The following ITGA9 variants were observed in gnomAD, a reference collection of about 807,000 sequenced individuals.
ITGA9 encodes the protein integrin alpha-9.
Under a neutral mutation model 127.8 loss-of-function variants are expected in ITGA9, and 56 were observed. The ratio of observed to expected loss-of-function variants is 0.44; its 90% CI spans 0.35 to 0.55. The LOEUF is 0.55. Ranked by LOEUF, ITGA9 falls within the 20% of genes least tolerant of loss-of-function variation. The pLI, the probability that ITGA9 is intolerant of heterozygous loss-of-function variation, is 0.00. For missense variants in ITGA9, 1,196 were observed against 1,347.1 expected, an observed-to-expected ratio of 0.89 and a Z score of 1.76; for synonymous variants, 508 against 514.5, an observed-to-expected ratio of 0.99 and a Z score of 0.17.
chr3:37,729,578 T>G (rs1696260778), intron 18 of ITGA9, among the ~76,000 whole-genome samples: 1 of 152,242 alleles, frequency 6.6e-6, no homozygotes, highest in Non-Finnish European at 1.5e-5. Flanking sequence ...AAAGTACTGT[T>G]GTCTTAGGTC....
intron 15 of ITGA9, among the ~76,000 whole-genome samples, chr3:37,625,373 A>C (rs1240313420): frequency 6.6e-6 from 1 of 152,080 alleles, no homozygotes. Flanking sequence ...GCACCCAATA[A>C]ATTTCAGATG....
intron 18 of ITGA9, among the ~76,000 whole-genome samples, chr3:37,710,694 G>T (rs771883007): frequency 7.9e-5 from 12 of 152,180 alleles, no homozygotes; most frequent in Non-Finnish European, 1.8e-4. Flanking sequence ...TTAGCCCTAG[G>T]ACAACAGGCA....
At chr3:37,603,475 G>A (rs552487019) in intron 15 of ITGA9, among the ~76,000 whole-genome samples, 43 of 152,260 alleles carry the variant, frequency 2.8e-4, no homozygotes, top group African/African-American at 1.0e-3. Flanking sequence ...GGTGGTCCTG[G>A]AACCAGTTCC....
At chr3:37,474,743 G>A (rs1698474802) in intron 3 of ITGA9, among the ~76,000 whole-genome samples, 1 of 152,238 alleles carries the variant, frequency 6.6e-6, no homozygotes, top group African/African-American at 2.4e-5. Context: ...AGTAATACTA[G>A]CTGCCGCTTA....
At chr3:37,470,147 T>TTG (rs1698413717) in intron 1 of ITGA9, among the ~76,000 whole-genome samples, 1 of 150,820 alleles carries the variant, frequency 6.6e-6, no homozygotes, top group East Asian at 1.9e-4. Flanking sequence ...CTTGTTTTTT[T>TTG]TTTTTTTTTT....
At chr3:37,479,336 G>GA (rs1397295315) in intron 3 of ITGA9, among the ~76,000 whole-genome samples, 1 of 152,210 alleles carries the variant, frequency 6.6e-6, no homozygotes, top group African/African-American at 2.4e-5. Context: ...GTTTGCAGCA[G>GA]AAAAAATAAC....
chr3:37,793,477 G>A (rs145814356), intron 26 of ITGA9, among the ~76,000 whole-genome samples: 4 of 150,728 alleles, frequency 2.7e-5, no homozygotes, highest in Non-Finnish European at 4.4e-5. Flanking sequence ...GTATGCATAC[G>A]TGCCCAGAGT....
chr3:37,643,368 G>A (rs559774042), intron 16 of ITGA9, among the ~76,000 whole-genome samples: 74 of 152,300 alleles, frequency 4.9e-4, no homozygotes, highest in Non-Finnish European at 8.1e-4. Context: ...GAGAAGTCTG[G>A]CCTTATCTGT....
At chr3:37,617,144 T>G (rs1388987209) in intron 15 of ITGA9, among the ~76,000 whole-genome samples, 7 of 152,074 alleles carry the variant, frequency 4.6e-5, no homozygotes, top group Non-Finnish European at 7.4e-5. Flanking sequence ...AGGAGCTCTT[T>G]TAGGGCAGGC....
chr3:37,794,251 G>A (rs1004248062), intron 26 of ITGA9, among the ~76,000 whole-genome samples: 6 of 152,178 alleles, frequency 3.9e-5, no homozygotes, highest in Non-Finnish European at 5.9e-5. Context: ...CCCCACAGCC[G>A]GTCAGTGGAA....
intron 4 of ITGA9, 29 bp downstream of exon 4, chr3:37,481,636 C>G: frequency 1.9e-6 from 3 of 1,614,046 alleles, no homozygotes; most frequent in Non-Finnish European, 2.5e-6. Context: ...TTCCTCATCC[C>G]CCTACCCACC....
chr3:37,533,728 TGAAGCCTC>T (rs1699181673), intron 14 of ITGA9, among the ~76,000 whole-genome samples: 1 of 152,214 alleles, frequency 6.6e-6, no homozygotes, highest in African/African-American at 2.4e-5. Context: ...AGGGCTAGAC[TGAAGCCTC>T]ATTGGACCAC....
chr3:37,815,479 C>T (rs941990816), intron 27 of ITGA9, among the ~76,000 whole-genome samples: 1 of 152,044 alleles, frequency 6.6e-6, no homozygotes, highest in East Asian at 1.9e-4. Flanking sequence ...CAGGGTGGTA[C>T]ACGCCTGCAG....
chr3:37,689,292 G>A (rs1700809262), intron 18 of ITGA9, among the ~76,000 whole-genome samples: 1 of 152,204 alleles, frequency 6.6e-6, no homozygotes. Context: ...TTGAGGGAAG[G>A]CTGCTTATAA....
At chr3:37,559,194 T>C (rs1286764110) in intron 15 of ITGA9, among the ~76,000 whole-genome samples, 1 of 152,162 alleles carries the variant, frequency 6.6e-6, no homozygotes, top group Non-Finnish European at 1.5e-5. Flanking sequence ...CGTATTGAAC[T>C]TGAAAGGAGA....
chr3:37,498,954 C>G (rs1454941643), intron 5 of ITGA9, among the ~76,000 whole-genome samples: 3 of 152,238 alleles, frequency 2.0e-5, no homozygotes, highest in Non-Finnish European at 2.9e-5. Flanking sequence ...CTTGCCTTTT[C>G]TGTGAGCTGT....
At chr3:37,687,405 T>C (rs1184028101) in intron 18 of ITGA9, among the ~76,000 whole-genome samples, 1 of 152,038 alleles carries the variant, frequency 6.6e-6, no homozygotes, top group Non-Finnish European at 1.5e-5. Context: ...GAGGACTATA[T>C]TGTGGAAGGT....
At chr3:37,481,290 T>G (rs569971054) in intron 3 of ITGA9, among the ~76,000 whole-genome samples, 194 bp from the exon 4 acceptor site, 25 of 152,350 alleles carry the variant, frequency 1.6e-4, no homozygotes, top group African/African-American at 5.8e-4. Flanking sequence ...TGTCTCCTAG[T>G]AGGCTCCCAG....
chr3:37,713,781 C>G (rs985272000), intron 18 of ITGA9, among the ~76,000 whole-genome samples: 3 of 152,242 alleles, frequency 2.0e-5, no homozygotes, highest in Non-Finnish European at 2.9e-5. Context: ...CTGGCCAGCC[C>G]TAAAGGCCCG....
Sources: gnomAD v4.1 joint callset for allele counts (sites outside exome capture counted in the v4.1 genomes callset) on GRCh38, gnomAD v4.1.1 for gene constraint, MANE v1.5 for transcripts, NCBI Gene and HGNC (gene_info 2026-07-23, HGNC 2026-07-21) for gene names.